Variants in CFAP299 observed in about 807,000 individuals in gnomAD.
CFAP299 encodes the protein cilia- and flagella-associated protein 299.
Under a neutral mutation model 27.0 loss-of-function variants are expected in CFAP299, and 21 were observed. The observed-to-expected ratio is 0.78, with a 90% CI of 0.55 to 1.12. The LOEUF (loss-of-function observed/expected upper bound fraction) is 1.12, where lower values mean the gene tolerates loss of function less well. Ranked by LOEUF, CFAP299 falls within the 50% of genes most tolerant of loss-of-function variation. The pLI is 0.00. For missense variants in CFAP299, 310 were observed against 276.6 expected, an observed-to-expected ratio of 1.12 and a Z score of -0.86; for synonymous variants, 104 against 98.1, an observed-to-expected ratio of 1.06 and a Z score of -0.36.
chr4:80,738,309 T>C lies in CFAP299; in HGVS notation c.334-131684T>C, dbSNP rs1724036082. 2.0e-5 allele frequency among the ~76,000 whole-genome samples: 3 copies of C among 152,184 alleles called. No homozygotes were observed. In the South Asian group the frequency reaches 6.2e-4, roughly 31 times the overall value. Reference sequence around the variant, plus strand: ...GTTGATTTTCTGTCTAGGAGATCTGTCCAATGCTGAAAGTGGGGTGTTGAA... The same window carrying C: ...GTTGATTTTCTGTCTAGGAGATCTGCCCAATGCTGAAAGTGGGGTGTTGAA... On this transcript the variant is annotated intron_variant, in intron 3 of 5. Transcript: ENST00000358105.
intron 2 of CFAP299, among the ~76,000 whole-genome samples, chr4:80,391,296 T>A (rs898780125): frequency 9.2e-5 from 14 of 152,188 alleles, no homozygotes; most frequent in Admixed American, 9.2e-4. Flanking sequence ...ATCTTCATAG[T>A]ATTTTGCATA....
intron 2 of CFAP299, among the ~76,000 whole-genome samples, chr4:80,515,967 C>T (rs894401895): frequency 3.3e-5 from 5 of 150,278 alleles, no homozygotes; most frequent in East Asian, 3.9e-4. Context: ...ATTAATTTAG[C>T]GGACCAAAAT....
chr4:80,944,064 C>CAATA (rs199854313), intron 4 of CFAP299, among the ~76,000 whole-genome samples: 8,198 of 144,384 alleles, frequency 0.057, 286 homozygotes, highest in African/African-American at 0.067. Context: ...GACTCCATCT[C>CAATA]AATAAATAAA....
intron 3 of CFAP299, 128 bp from the exon 4 acceptor site, chr4:80,869,865 C>T (rs74287334): frequency 4.5e-5 from 39 of 860,032 alleles, no homozygotes; most frequent in Non-Finnish European, 6.8e-5. Flanking sequence ...AATGTTATAA[C>T]CACTCTTTCA....
At chr4:80,845,016 T>A (rs1467096454) in intron 3 of CFAP299, among the ~76,000 whole-genome samples, 1 of 152,222 alleles carries the variant, frequency 6.6e-6, no homozygotes, top group African/African-American at 2.4e-5. Context: ...TAGGGAATCC[T>A]TTCCCCATTG....
intron 3 of CFAP299, among the ~76,000 whole-genome samples, chr4:80,627,982 A>T (rs1205030656): frequency 3.9e-5 from 6 of 152,118 alleles, no homozygotes; most frequent in Non-Finnish European, 8.8e-5. Flanking sequence ...TAGAAAAAAC[A>T]ATTCTAAAAT....
At chr4:80,403,860 C>A (rs1726284500) in intron 2 of CFAP299, among the ~76,000 whole-genome samples, 1 of 152,110 alleles carries the variant, frequency 6.6e-6, no homozygotes, top group African/African-American at 2.4e-5. Context: ...ATTAGGTTGT[C>A]AACTACTAGT....
intron 2 of CFAP299, chr4:80,388,706 A>C: frequency 5.2e-6 from 4 of 772,934 alleles, no homozygotes; most frequent in South Asian, 1.5e-5. Context: ...CTTAAAGATC[A>C]CCTGCACCAT....
intron 4 of CFAP299, among the ~76,000 whole-genome samples, chr4:80,923,175 T>G (rs1736131722): frequency 6.6e-6 from 1 of 152,026 alleles, no homozygotes; most frequent in East Asian, 1.9e-4. Flanking sequence ...GCTAACACAA[T>G]AGTTCACCCA....
At chr4:80,883,606 G>A (rs919748859) in intron 4 of CFAP299, among the ~76,000 whole-genome samples, 1 of 151,938 alleles carries the variant, frequency 6.6e-6, no homozygotes, top group African/African-American at 2.4e-5. Context: ...GTTACATAAA[G>A]TAATAATTAA....
chr4:80,396,669 G>T (rs1189048225), intron 2 of CFAP299, among the ~76,000 whole-genome samples: 1 of 151,946 alleles, frequency 6.6e-6, no homozygotes, highest in African/African-American at 2.4e-5. Flanking sequence ...CTGTTTATAT[G>T]CTGGATTACG....
chr4:80,386,754 G>C, intron 2 of CFAP299: 1 of 1,461,478 alleles, frequency 6.8e-7, no homozygotes, highest in Non-Finnish European at 9.6e-7. Context: ...TGGGCCTTCA[G>C]CTTGTCCGGC....
chr4:80,928,782 C>G (rs1427090109), intron 4 of CFAP299, among the ~76,000 whole-genome samples: 1 of 152,074 alleles, frequency 6.6e-6, no homozygotes, highest in African/African-American at 2.4e-5. Flanking sequence ...AGGACAGTTA[C>G]CAATAACAGC....
chr4:80,917,782 G>T (rs1398853460), intron 4 of CFAP299, among the ~76,000 whole-genome samples: 3 of 152,058 alleles, frequency 2.0e-5, no homozygotes, highest in Non-Finnish European at 4.4e-5. Flanking sequence ...TCATGAAAAA[G>T]ACAATTACCA....
At position 80,418,418 on chromosome 4, in the gene CFAP299, AT is replaced by A. The variant is rs531516952; in HGVS notation, c.242+55538del. 3.3e-5 allele frequency among the ~76,000 whole-genome samples: 5 copies of A among 152,282 alleles called. No homozygotes were observed. In the South Asian group the frequency reaches 1.0e-3, roughly 32 times the overall value. On this transcript the variant is annotated intron_variant, in intron 2 of 5. Coordinates refer to ENST00000358105, the MANE Select transcript of CFAP299 (RefSeq NM_152770.3). ...TATAGGATACAAAATAGTGTTATGAATTTTGAGTACAATGTGAAAAGATTAA... is the reference window on the plus strand; with the variant it reads ...TATAGGATACAAAATAGTGTTATGAATTTGAGTACAATGTGAAAAGATTAA...
intron 5 of CFAP299, among the ~76,000 whole-genome samples, chr4:80,955,608 A>G (rs1176525206): frequency 6.6e-6 from 1 of 152,222 alleles, no homozygotes; most frequent in Admixed American, 6.5e-5. Context: ...ACAAAGAAAT[A>G]GTATGTGGCA....
At chr4:80,918,615 A>G (rs1302678780) in intron 4 of CFAP299, among the ~76,000 whole-genome samples, 3 of 152,146 alleles carry the variant, frequency 2.0e-5, no homozygotes, top group Non-Finnish European at 4.4e-5. Context: ...ACTGATAACT[A>G]AAATATATTT....
chr4:80,521,691 A>G (rs1405447295), intron 2 of CFAP299, among the ~76,000 whole-genome samples: 2 of 152,078 alleles, frequency 1.3e-5, no homozygotes, highest in African/African-American at 2.4e-5. Flanking sequence ...TAGAGACTTC[A>G]GAGAGTGGAA....
At chr4:80,820,385 A>G (rs1170176623) in intron 3 of CFAP299, among the ~76,000 whole-genome samples, 6 of 152,230 alleles carry the variant, frequency 3.9e-5, no homozygotes, top group African/African-American at 1.4e-4. Flanking sequence ...CAAAAGCTAG[A>G]GATTACTGAA....
Sources: gnomAD v4.1 joint callset for allele counts (sites outside exome capture counted in the v4.1 genomes callset) on GRCh38, gnomAD v4.1.1 for gene constraint, MANE v1.5 for transcripts, NCBI Gene and HGNC (gene_info 2026-07-23, HGNC 2026-07-21) for gene names.